UNC93A: variants seen among roughly 807,000 people sequenced by gnomAD.
UNC93A encodes unc-93 homolog A, also known as N-acetylglucosamine transporter UNC93A.
In UNC93A, 43 loss-of-function variants were observed where a neutral mutation model predicts 47.5. The observed-to-expected ratio is 0.91, with a 90% CI of 0.71 to 1.17. The LOEUF is 1.17. Among genes scored for constraint, UNC93A ranks in the 50% most tolerant of loss-of-function variants. UNC93A has a pLI of 0.00. For missense variants in UNC93A, 605 were observed against 577.6 expected, an observed-to-expected ratio of 1.05 and a Z score of -0.49; for synonymous variants, 280 against 258.0, an observed-to-expected ratio of 1.09 and a Z score of -0.82.
At chr6:167,307,173 C>A (rs28714613) in intron 6 of UNC93A, among the ~76,000 whole-genome samples, 3 of 152,216 alleles carry the variant, frequency 2.0e-5, no homozygotes, top group Non-Finnish European at 4.4e-5. Context: ...AGCTTAGGGG[C>A]AACCTCAGGC....
At chr6:167,277,329 C>T (rs775392831) in intron 1 of UNC93A, among the ~76,000 whole-genome samples, 2 of 152,220 alleles carry the variant, frequency 1.3e-5, no homozygotes, top group Non-Finnish European at 2.9e-5. Flanking sequence ...GGCGACCTAC[C>T]CTTAGCCGGT....
chr6:167,305,610 G>A (rs1372485459), intron 5 of UNC93A, among the ~76,000 whole-genome samples: 2 of 152,130 alleles, frequency 1.3e-5, no homozygotes, highest in African/African-American at 4.8e-5. Context: ...GCCCCAGCAA[G>A]GGCAGGGTGT....
upstream of UNC93A, chr6:167,271,023 T>C (rs1783443023): frequency 6.6e-6 from 1 of 152,336 alleles, no homozygotes; most frequent in Non-Finnish European, 1.5e-5. Flanking sequence ...TGGGAAGGAT[T>C]GTGCCAGGCA....
At position 167,291,405 on chromosome 6, in the gene UNC93A, T is replaced by C; in HGVS notation, c.-85T>C. The C allele has an allele frequency of 8.3e-7, 1 of 1,205,088 alleles. No individual in the cohort carries two copies. Among genetic ancestry groups the C allele is most frequent in the Admixed American group, 1.9e-5 (1 of 52,570 alleles). The allele number at this position is 1,205,088 out of a possible 1,614,324, so 74.6% of individuals were successfully genotyped here. A position where few individuals can be genotyped will look rare whatever the true frequency, so the allele number is the denominator to read the frequency against. On this transcript the variant is annotated 5_prime_UTR_variant, in exon 1 of 8. Transcript: ENST00000230256. ...AGAGAATGGGACTTCTTGGTACTGA[T>C]TGTTTTTCCCATGCCTCAATTGGTT... is the stretch of plus-strand genomic sequence containing the variant.
chr6:167,281,985 G>A (rs1269375268), intron 1 of UNC93A, among the ~76,000 whole-genome samples: 2 of 152,206 alleles, frequency 1.3e-5, no homozygotes, highest in East Asian at 1.9e-4. Context: ...AGTAGACTGA[G>A]ACTTTATGGT....
chr6:167,274,792 G>A (rs563893148), intron 1 of UNC93A, among the ~76,000 whole-genome samples: 4 of 152,106 alleles, frequency 2.6e-5, no homozygotes, highest in African/African-American at 7.2e-5. Context: ...AGAGACTAGC[G>A]AGTAATGAAG....
upstream of UNC93A, among the ~76,000 whole-genome samples, chr6:167,269,805 C>T (rs1257717086): frequency 2.0e-5 from 3 of 151,916 alleles, no homozygotes; most frequent in African/African-American, 7.3e-5. Flanking sequence ...TTAGTAGAGA[C>T]AGGGTTTCAC....
chr6:167,292,870 C>T (rs1562347886), intron 1 of UNC93A, among the ~76,000 whole-genome samples: 1 of 152,158 alleles, frequency 6.6e-6, no homozygotes, highest in Non-Finnish European at 1.5e-5. Flanking sequence ...ACCCTGCTGT[C>T]CTCCTGGCAC....
chr6:167,277,222 C>T lies in UNC93A; in HGVS notation c.-52+5764C>T, dbSNP rs192384704. 1.3e-3 allele frequency among the ~76,000 whole-genome samples: 199 copies of T among 152,352 alleles called. 2 individuals carry two copies. Among genetic ancestry groups the T allele is most frequent in the African/African-American group, 4.3e-3 (178 of 41,574 alleles). The stretch of plus-strand genomic sequence containing the variant: ...GGAGCCATCTTCACCCTGAGAACTG[C>T]GCCTGTGCCCCCAGTGCTCCTGCCT... On this transcript the variant is annotated intron_variant, in intron 1 of 3. Transcript: ENST00000503433.
intron 1 of UNC93A, among the ~76,000 whole-genome samples, chr6:167,276,155 G>A (rs1254659325): frequency 6.7e-6 from 1 of 149,076 alleles, no homozygotes; most frequent in African/African-American, 2.5e-5. Flanking sequence ...CTTGTCCCCA[G>A]TTCCATTCAT....
In UNC93A at chr6:167,273,723, G is replaced by C. The variant is rs549127106; in HGVS notation, c.-52+2265G>C. Reference sequence around the variant, plus strand: ...TACATTTAAGCTGTACATCAGTTCAGACGGGAAAGGTGGCACACCAGGAAG... The same window carrying C: ...TACATTTAAGCTGTACATCAGTTCACACGGGAAAGGTGGCACACCAGGAAG... On this transcript the variant is annotated intron_variant, in intron 1 of 3. Transcript: ENST00000503433. Among the ~76,000 whole-genome samples, 5 of 152,218 alleles carry C rather than the reference G, an allele frequency of 3.3e-5. No homozygotes were observed. The East Asian group carries it at 9.6e-4, about 29-fold the overall frequency.
chr6:167,309,199 C>G (rs1444948498), intron 7 of UNC93A, among the ~76,000 whole-genome samples: 2 of 152,214 alleles, frequency 1.3e-5, no homozygotes, highest in South Asian at 2.1e-4. Flanking sequence ...GCACTCATGC[C>G]AGGCTCTGCT....
In UNC93A at chr6:167,309,184, C is replaced by T. The variant is rs533642967; in HGVS notation, c.1108+1274C>T. Reference sequence around the variant, plus strand: ...GAGGTCATAGTTAGCCGAGATCGCACCACTGCACTCATGCCAGGCTCTGCT... The same window carrying T: ...GAGGTCATAGTTAGCCGAGATCGCATCACTGCACTCATGCCAGGCTCTGCT... On this transcript the variant is annotated intron_variant, in intron 7 of 7. Coordinates refer to ENST00000230256, the MANE Select transcript of UNC93A (RefSeq NM_018974.4). 4.9e-4 allele frequency among the ~76,000 whole-genome samples: 74 copies of T among 152,314 alleles called. 1 individual carries two copies. The highest frequency in any genetic ancestry group is 1.7e-3 in the African/African-American group (70 of 41,558).
chr6:167,300,534 G>C (rs975371377), intron 4 of UNC93A, among the ~76,000 whole-genome samples: 4 of 152,212 alleles, frequency 2.6e-5, no homozygotes, highest in African/African-American at 9.7e-5. Flanking sequence ...AGCAACCTGG[G>C]GAGGGTGCTC....
Position 167,315,533 on chromosome 6 carries a change from G to A in UNC93A, c.*81G>A, listed in dbSNP as rs1352370938. The A allele has an allele frequency of 1.9e-6, 3 of 1,604,326 alleles. No homozygotes were observed. The highest frequency in any genetic ancestry group is 2.6e-6 in the Non-Finnish European group (3 of 1,175,834). On this transcript the variant is annotated 3_prime_UTR_variant, in exon 8 of 8. Transcript: ENST00000230256. ...TAGAAGATGCCTCAGGACATAGAGC[G>A]GCTCCTCATCACCATCTCAGCACAA... is the stretch of plus-strand genomic sequence containing the variant.
chr6:167,304,762 G>T (rs372214876), intron 5 of UNC93A, among the ~76,000 whole-genome samples: 1 of 152,066 alleles, frequency 6.6e-6, no homozygotes, highest in Non-Finnish European at 1.5e-5. Context: ...TAGAGACAGG[G>T]TTTCTCCATG....
upstream of UNC93A, among the ~76,000 whole-genome samples, chr6:167,289,189 A>T (rs962226607): frequency 2.6e-5 from 4 of 152,224 alleles, no homozygotes; most frequent in African/African-American, 7.2e-5. Flanking sequence ...AGGCAACTCC[A>T]TGTCTGCAGG....
intron 6 of UNC93A, among the ~76,000 whole-genome samples, chr6:167,306,959 C>T (rs111357172): frequency 1.7e-4 from 26 of 152,200 alleles, no homozygotes; most frequent in Non-Finnish European, 2.8e-4. Context: ...CCTGCTGGGA[C>T]GAGTCACAAG....
intron 5 of UNC93A, among the ~76,000 whole-genome samples, chr6:167,304,380 C>G (rs966880026): frequency 6.6e-6 from 1 of 152,178 alleles, no homozygotes; most frequent in Non-Finnish European, 1.5e-5. Context: ...TTGCTTGATC[C>G]GTGTCTTCCT....
Sources: gnomAD v4.1 joint callset for allele counts (sites outside exome capture counted in the v4.1 genomes callset) on GRCh38, gnomAD v4.1.1 for gene constraint, MANE v1.5 for transcripts, NCBI Gene and HGNC (gene_info 2026-07-23, HGNC 2026-07-21) for gene names.